The following SCAPER variants were observed in gnomAD, a reference collection of about 807,000 sequenced individuals.
The protein encoded by SCAPER is S phase cyclin A-associated protein in the endoplasmic reticulum.
A neutral mutation model predicts 182.2 loss-of-function variants in SCAPER; 98 were observed. The observed-to-expected ratio is 0.54, with a 90% CI of 0.46 to 0.64. SCAPER has a LOEUF of 0.64. Ranked by LOEUF, SCAPER falls within the 30% of genes least tolerant of loss-of-function variation. The pLI, the probability that SCAPER is intolerant of heterozygous loss-of-function variation, is 0.00. For synonymous variants in SCAPER, 605 were observed against 564.6 expected (o/e 1.07, Z -1.01); for missense variants, 1,432 against 1,690.0 (o/e 0.85, Z 2.68).
rs150254478 is a variant in SCAPER at position 76,543,338 on chromosome 15, G to A, written c.2838+30820C>T. ...TTAGGAAATTGGTTGTAGGTTTAAGGTTGACATGTAATGCAGTTTTTTCTT... is the reference window on the plus strand; with the variant it reads ...TTAGGAAATTGGTTGTAGGTTTAAGATTGACATGTAATGCAGTTTTTTCTT... On this transcript the variant is annotated intron_variant, in intron 23 of 31. Coordinates refer to ENST00000563290, the MANE Select transcript of SCAPER (RefSeq NM_020843.4). 5.3e-5 allele frequency among the ~76,000 whole-genome samples: 8 copies of A among 152,264 alleles called. No individual in the cohort carries two copies. In the East Asian group the frequency reaches 1.5e-3, roughly 29 times the overall value.
intron 21 of SCAPER, among the ~76,000 whole-genome samples, chr15:76,642,079 TA>T (rs1342105229): frequency 3.3e-5 from 5 of 152,172 alleles, no homozygotes; most frequent in African/African-American, 1.2e-4. Flanking sequence ...AGAAAATGGT[TA>T]AAAATATGCT....
chr15:76,490,480 C>T (rs2052183730), intron 24 of SCAPER, among the ~76,000 whole-genome samples: 1 of 152,046 alleles, frequency 6.6e-6, no homozygotes, highest in African/African-American at 2.4e-5. Context: ...GTCCTTTGTC[C>T]ATTTTTTAAT....
At chr15:76,372,594 A>C (rs1372989560) in intron 29 of SCAPER, among the ~76,000 whole-genome samples, 2 of 152,258 alleles carry the variant, frequency 1.3e-5, no homozygotes, top group African/African-American at 4.8e-5. Flanking sequence ...AGTTGGTTTA[A>C]GCAAAAAGTT....
chr15:76,863,669 T>G (rs998217803), intron 2 of SCAPER, among the ~76,000 whole-genome samples: 3 of 152,218 alleles, frequency 2.0e-5, no homozygotes, highest in African/African-American at 7.2e-5. Context: ...ATGCCTCCCT[T>G]GGCCCCAGAA....
At chr15:76,831,113 G>A (rs896901509) in intron 5 of SCAPER, among the ~76,000 whole-genome samples, 1 of 152,174 alleles carries the variant, frequency 6.6e-6, no homozygotes, top group East Asian at 1.9e-4. Context: ...AGCCCAGAGG[G>A]TTAGGCATGG....
intron 5 of SCAPER, among the ~76,000 whole-genome samples, chr15:76,833,823 T>C (rs1404502890): frequency 6.6e-6 from 1 of 152,226 alleles, no homozygotes; most frequent in Non-Finnish European, 1.5e-5. Context: ...GTCTTAAACA[T>C]ATATGTACCC....
At chr15:76,632,759 G>C (rs966442155) in intron 21 of SCAPER, among the ~76,000 whole-genome samples, 1 of 150,320 alleles carries the variant, frequency 6.7e-6, no homozygotes, top group Non-Finnish European at 1.5e-5. Context: ...TGATCTCTGA[G>C]GCTGCTGACT....
chr15:76,405,637 T>C (rs906026312), intron 26 of SCAPER, among the ~76,000 whole-genome samples: 35 of 152,196 alleles, frequency 2.3e-4, no homozygotes, highest in African/African-American at 7.0e-4. Flanking sequence ...CTTTTATTAA[T>C]CCACAGAGCA....
At chr15:76,858,714 C>T (rs757615265) in intron 3 of SCAPER, among the ~76,000 whole-genome samples, 1 of 152,134 alleles carries the variant, frequency 6.6e-6, no homozygotes, top group East Asian at 1.9e-4. Flanking sequence ...TAAATGAGAA[C>T]GTGCAGTTTT....
intron 17 of SCAPER, among the ~76,000 whole-genome samples, chr15:76,725,933 T>C (rs962941911): frequency 6.8e-5 from 10 of 147,628 alleles, no homozygotes; most frequent in African/African-American, 2.2e-4. Context: ...GATTTGGCTA[T>C]GATTTATTGA....
intron 23 of SCAPER, among the ~76,000 whole-genome samples, chr15:76,535,521 C>T (rs1218064118): frequency 2.1e-5 from 1 of 46,638 alleles, no homozygotes; most frequent in Non-Finnish European, 4.4e-5. Flanking sequence ...GACTCTGTCT[C>T]AAAAAAAAAA....
chr15:76,659,078 C>T (rs2055902774), intron 21 of SCAPER, among the ~76,000 whole-genome samples: 1 of 152,132 alleles, frequency 6.6e-6, no homozygotes, highest in African/African-American at 2.4e-5. Context: ...ACAAATGAGA[C>T]CTATTTAAAA....
intron 27 of SCAPER, among the ~76,000 whole-genome samples, chr15:76,382,912 G>T (rs566482865): frequency 1.3e-5 from 2 of 152,162 alleles, no homozygotes; most frequent in East Asian, 3.9e-4. Flanking sequence ...ATGACACTCT[G>T]ATTTTTCTCA....
chr15:76,535,095 A>T (rs80046116), intron 23 of SCAPER, among the ~76,000 whole-genome samples: 2,196 of 152,288 alleles, frequency 0.014, 55 homozygotes, highest in African/African-American at 0.051. Flanking sequence ...CCACAAAAGC[A>T]TGCTGGAGTT....
chr15:76,390,922 T>G (rs1260950051), intron 27 of SCAPER, among the ~76,000 whole-genome samples: 3 of 152,224 alleles, frequency 2.0e-5, no homozygotes, highest in African/African-American at 7.2e-5. Context: ...TGGCTTCCAC[T>G]CTTGCTTCTC....
In SCAPER at chr15:76,690,530, GTTTA is replaced by G. The variant is rs1242648459; in HGVS notation, c.2508+11224_2508+11227del. Among the ~76,000 whole-genome samples, 48 of 152,084 alleles carry G rather than the reference GTTTA, an allele frequency of 3.2e-4. 1 individual carries two copies. ...TGTTTAGTTATATTAATGTACCACT[GTTTA>G]TTAATTTTAACAAATTTAACTCATG... On this transcript the variant is annotated intron_variant, in intron 20 of 31. Transcript: ENST00000563290.
At chr15:76,725,619 AG>A (rs2060537986) in intron 17 of SCAPER, among the ~76,000 whole-genome samples, 1 of 152,176 alleles carries the variant, frequency 6.6e-6, no homozygotes, top group Admixed American at 6.6e-5. Flanking sequence ...TAATCAAAAC[AG>A]TATGGACTAC....
At chr15:76,499,483 C>T (rs2040898133) in intron 24 of SCAPER, among the ~76,000 whole-genome samples, 2 of 152,174 alleles carry the variant, frequency 1.3e-5, no homozygotes, top group South Asian at 2.1e-4. Context: ...TGCCCTTTTA[C>T]TGCTTTGCTT....
chr15:76,607,587 T>C (rs1299855794), intron 22 of SCAPER, among the ~76,000 whole-genome samples: 1 of 152,244 alleles, frequency 6.6e-6, no homozygotes, highest in Non-Finnish European at 1.5e-5. Flanking sequence ...GGGGAAGTTC[T>C]CCTGGATAAT....
Sources: gnomAD v4.1 joint callset for allele counts (sites outside exome capture counted in the v4.1 genomes callset) on GRCh38, gnomAD v4.1.1 for gene constraint, MANE v1.5 for transcripts, NCBI Gene and HGNC (gene_info 2026-07-23, HGNC 2026-07-21) for gene names.